Variants in LRRC49 observed in about 807,000 individuals in gnomAD.
LRRC49 encodes leucine rich repeat containing 49, also known as leucine-rich repeat-containing protein 49.
In LRRC49, 50 loss-of-function variants were observed where a neutral mutation model predicts 83.3. The ratio of observed to expected loss-of-function variants is 0.60; its 90% CI spans 0.48 to 0.76. The LOEUF (loss-of-function observed/expected upper bound fraction) is 0.76. LRRC49 is among the 30% of genes least tolerant of loss of function. The pLI, the probability that LRRC49 is intolerant of heterozygous loss-of-function variation, is 0.00. For synonymous variants in LRRC49, 286 were observed against 283.3 expected (o/e 1.01, Z -0.10); for missense variants, 704 against 809.1 (o/e 0.87, Z 1.58).
intron 11 of LRRC49, among the ~76,000 whole-genome samples, chr15:70,986,223 G>A (rs1355725956): frequency 2.0e-5 from 3 of 152,020 alleles, no homozygotes; most frequent in Non-Finnish European, 4.4e-5. Flanking sequence ...ATTACCTTGA[G>A]CAGTATGGCC....
At position 70,992,069 on chromosome 15, in the gene LRRC49, A is replaced by G. The variant is rs544114002; in HGVS notation, c.1169+7812A>G. Among the ~76,000 whole-genome samples, 20 of 152,370 alleles carry G rather than the reference A, an allele frequency of 1.3e-4. No homozygotes were observed. In the South Asian group the frequency reaches 2.3e-3, roughly 17 times the overall value. On this transcript the variant is annotated intron_variant, in intron 11 of 15. Transcript: ENST00000260382. ...AAAATAAATCAAGAATAAAAATTCA[A>G]TCACTGATACCCTTGCTTCCAGTTG... is the stretch of plus-strand genomic sequence containing the variant.
chr15:70,994,633 T>A (rs1405634364), intron 11 of LRRC49, among the ~76,000 whole-genome samples: 2 of 152,020 alleles, frequency 1.3e-5, no homozygotes, highest in East Asian at 1.9e-4. Flanking sequence ...CACCTCTATG[T>A]CCAGCTAATT....
chr15:70,904,944 C>T (rs542627434), intron 5 of LRRC49, among the ~76,000 whole-genome samples, 189 bp downstream of exon 5: 2 of 152,272 alleles, frequency 1.3e-5, no homozygotes, highest in Admixed American at 6.5e-5. Context: ...CAATTTGTCA[C>T]ACCAGATAAC....
chr15:70,977,550 C>T (rs1167300476), intron 9 of LRRC49, among the ~76,000 whole-genome samples: 3 of 152,214 alleles, frequency 2.0e-5, no homozygotes, highest in African/African-American at 7.2e-5. Flanking sequence ...GAGGCTAAGA[C>T]ATGAGAATTG....
chr15:70,892,153 G>A (rs1393120737), upstream of LRRC49: 3 of 1,612,764 alleles, frequency 1.9e-6, no homozygotes, highest in Non-Finnish European at 2.5e-6. Context: ...AGTCGGCGCG[G>A]CAACCCCGCA....
At chr15:70,887,427 C>T (rs1383582524) in intron 2 of LRRC49, among the ~76,000 whole-genome samples, 1 of 151,956 alleles carries the variant, frequency 6.6e-6, no homozygotes, top group Non-Finnish European at 1.5e-5. Context: ...ACACTTTGAC[C>T]AAATTGAGTT....
At chr15:70,860,253 G>A (rs1034261335) in intron 1 of LRRC49, 7 of 600,270 alleles carry the variant, frequency 1.2e-5, no homozygotes, top group African/African-American at 9.2e-5. Flanking sequence ...CAGGGAACAG[G>A]AGACCCACCT....
chr15:70,853,856 G>A (rs1356209962), intron 1 of LRRC49: 2 of 1,233,786 alleles, frequency 1.6e-6, no homozygotes, highest in Admixed American at 8.7e-5. Context: ...CGCCCCCTCG[G>A]GGCCCACCTC....
intron 8 of LRRC49, among the ~76,000 whole-genome samples, chr15:70,940,617 C>T (rs917586849): frequency 2.6e-5 from 4 of 152,122 alleles, no homozygotes; most frequent in African/African-American, 7.2e-5. Context: ...TATTCTTGTG[C>T]CTTCCAGGAT....
chr15:70,882,966 T>C, intron 2 of LRRC49: 2 of 1,570,856 alleles, frequency 1.3e-6, no homozygotes, highest in South Asian at 2.3e-5. Context: ...GATTTTATCT[T>C]TCAAAAGTTA....
intron 8 of LRRC49, among the ~76,000 whole-genome samples, chr15:70,959,384 G>A (rs531267987): frequency 2.6e-5 from 4 of 151,946 alleles, no homozygotes; most frequent in Non-Finnish European, 5.9e-5. Context: ...CCAGCTACTC[G>A]GGAGGCCGAG....
intron 1 of LRRC49, among the ~76,000 whole-genome samples, chr15:70,872,273 C>A (rs1242891504): frequency 2.0e-5 from 3 of 152,232 alleles, no homozygotes; most frequent in African/African-American, 7.2e-5. Flanking sequence ...CACGCGCCTG[C>A]AATCCCAGGC....
At chr15:70,906,105 T>C (rs1185525420) in intron 5 of LRRC49, among the ~76,000 whole-genome samples, 2 of 149,356 alleles carry the variant, frequency 1.3e-5, no homozygotes, top group East Asian at 3.9e-4. Context: ...TTTCTTTTTT[T>C]TTTTTTTTTT....
intron 9 of LRRC49, among the ~76,000 whole-genome samples, chr15:70,978,695 A>G (rs2037294521): frequency 6.6e-6 from 1 of 152,200 alleles, no homozygotes; most frequent in Admixed American, 6.5e-5. Context: ...GTTTTAATAA[A>G]TTACTGAACA....
chr15:71,035,756 A>G (rs2039499127), intron 14 of LRRC49, among the ~76,000 whole-genome samples: 1 of 152,128 alleles, frequency 6.6e-6, no homozygotes, highest in Non-Finnish European at 1.5e-5. Flanking sequence ...ACTGATGGGC[A>G]TTTGGGTTGA....
intron 1 of LRRC49, chr15:70,858,934 G>T: frequency 1.3e-6 from 1 of 790,478 alleles, no homozygotes; most frequent in African/African-American, 1.7e-5. Flanking sequence ...AGCCTGCTGA[G>T]CCCTCTTAAC....
intron 5 of LRRC49, among the ~76,000 whole-genome samples, chr15:70,906,060 G>A (rs568875768): frequency 6.6e-6 from 1 of 151,484 alleles, no homozygotes; most frequent in South Asian, 2.1e-4. Context: ...GAGAAAGGTG[G>A]GAGAAGGTCA....
chr15:70,883,263 C>CA (rs201694002), intron 2 of LRRC49, among the ~76,000 whole-genome samples: 3,988 of 152,086 alleles, frequency 0.026, 178 homozygotes, highest in African/African-American at 0.091. Context: ...GCCATCTCGG[C>CA]TCACTGCAAT....
intron 15 of LRRC49, among the ~76,000 whole-genome samples, chr15:71,044,101 G>A (rs1026450312): frequency 6.6e-6 from 1 of 152,138 alleles, no homozygotes; most frequent in Non-Finnish European, 1.5e-5. Flanking sequence ...TTCCTATGTA[G>A]TCCAGATTTA....
Sources: allele counts gnomAD v4.1 joint callset (sites outside exome capture counted in the v4.1 genomes callset), GRCh38; gene constraint gnomAD v4.1.1; transcripts MANE v1.5; gene names NCBI Gene and HGNC (gene_info 2026-07-23, HGNC 2026-07-21).